The following NDUFAF7 variants were observed in gnomAD, a reference collection of about 807,000 sequenced individuals.
The protein encoded by NDUFAF7 is NADH:ubiquinone oxidoreductase complex assembly factor 7, also known as protein arginine methyltransferase NDUFAF7, mitochondrial.
A neutral mutation model predicts 47.2 loss-of-function variants in NDUFAF7; 48 were observed. The observed-to-expected ratio is 1.02, with a 90% CI of 0.81 to 1.29. The LOEUF is 1.29. Ranked by LOEUF, NDUFAF7 falls within the 50% of genes most tolerant of loss-of-function variation. The pLI, the probability that NDUFAF7 is intolerant of heterozygous loss-of-function variation, is 0.00. For synonymous variants in NDUFAF7, 217 were observed against 190.0 expected (o/e 1.14, Z -1.17); for missense variants, 635 against 537.6 (o/e 1.18, Z -1.79).
chr2:37,234,518 A>G (rs542997316), intron 2 of NDUFAF7, among the ~76,000 whole-genome samples: 26 of 152,330 alleles, frequency 1.7e-4, no homozygotes, highest in South Asian at 1.0e-3. Context: ...GAAGGGGTCT[A>G]TAGGCATCAC....
chr2:37,268,199 CTATT>C, the NDUFAF7 span: 1 of 407,814 alleles, frequency 2.5e-6, no homozygotes, highest in Non-Finnish European at 4.9e-6. Context: ...CTCTACATAG[CTATT>C]TATTTTAGAT....
At chr2:37,267,907 A>C in the NDUFAF7 span, 1 of 204,272 alleles carries the variant, frequency 4.9e-6, no homozygotes, top group African/African-American at 2.4e-5. Flanking sequence ...TCAATGAGTC[A>C]GCACAGAGTG....
At chr2:37,267,271 T>C in the NDUFAF7 span, among the ~76,000 whole-genome samples, 2 of 151,656 alleles carry the variant, frequency 1.3e-5, no homozygotes, top group East Asian at 3.9e-4. Flanking sequence ...AAATGTGTTC[T>C]AAAACTACTA....
intron 7 of NDUFAF7, among the ~76,000 whole-genome samples, chr2:37,244,473 TCA>T (rs753283482): frequency 4.6e-5 from 7 of 152,200 alleles, no homozygotes; most frequent in Non-Finnish European, 8.8e-5. Context: ...CACACAGATC[TCA>T]GTTTGATTCG....
At chr2:37,236,862 C>T (rs756953347) in intron 3 of NDUFAF7, among the ~76,000 whole-genome samples, 12 of 150,852 alleles carry the variant, frequency 8.0e-5, no homozygotes, top group Non-Finnish European at 1.3e-4. Context: ...GGAGAGTGCC[C>T]GGGAAGGAAG....
chr2:37,247,467 C>T lies in NDUFAF7; in HGVS notation c.948C>T (p.Asp316=), dbSNP rs1572571293. ...TCTTTATGTTCAAGGGGTTTTGCGA[C>T]CACAAGCTTCATGATGTCTTAATTG... is the stretch of plus-strand genomic sequence containing the variant. ...TKTDTFRGFC[D]HKLHDVLIAP... is the part of the protein sequence containing the mutation. Residue 316 remains aspartate, a synonymous_variant, in exon 9 of 10, where the codon GAC becomes GAT. Coordinates refer to ENST00000002125, the MANE Select transcript of NDUFAF7 (RefSeq NM_144736.5). The T allele has an allele frequency of 6.2e-7, 1 of 1,613,908 alleles. No homozygotes were observed.
intron 2 of NDUFAF7, among the ~76,000 whole-genome samples, chr2:37,233,415 G>C (rs934197696): frequency 6.6e-6 from 1 of 152,194 alleles, no homozygotes; most frequent in Non-Finnish European, 1.5e-5. Flanking sequence ...GGATCACGAG[G>C]TCAGGAGTTT....
the NDUFAF7 span, among the ~76,000 whole-genome samples, chr2:37,270,041 A>C: frequency 6.6e-6 from 1 of 152,132 alleles, no homozygotes; most frequent in Non-Finnish European, 1.5e-5. Context: ...CAGCCTGACC[A>C]ACAAGGAGAA....
downstream of NDUFAF7, among the ~76,000 whole-genome samples, chr2:37,253,955 C>T (rs1414549947): frequency 6.6e-6 from 1 of 152,114 alleles, no homozygotes; most frequent in Admixed American, 6.5e-5. Flanking sequence ...ACTAATCTTA[C>T]AAAAAGGTGA....
intron 2 of NDUFAF7, among the ~76,000 whole-genome samples, chr2:37,233,727 A>T (rs1665454866): frequency 6.6e-6 from 1 of 152,166 alleles, no homozygotes; most frequent in Admixed American, 6.5e-5. Context: ...AAGCCAAGGA[A>T]CCAGGGAGAA....
intron 2 of NDUFAF7, among the ~76,000 whole-genome samples, chr2:37,233,125 T>C (rs543084294): frequency 6.6e-6 from 1 of 152,086 alleles, no homozygotes; most frequent in Non-Finnish European, 1.5e-5. Context: ...TGCCGATGGA[T>C]TGAGTGATGG....
chr2:37,232,946 A>T (rs72875767), intron 2 of NDUFAF7, among the ~76,000 whole-genome samples: 7,155 of 152,210 alleles, frequency 0.047, 217 homozygotes, highest in African/African-American at 0.077. Flanking sequence ...CTGGGGTTAG[A>T]TTGGCCATTG....
At chr2:37,267,561 C>T in the NDUFAF7 span, 57 of 1,509,046 alleles carry the variant, frequency 3.8e-5, 1 homozygote, top group South Asian at 3.8e-4. Context: ...AGAAGAGGAA[C>T]GAATGAAGCA....
At chr2:37,262,737 A>G in the NDUFAF7 span, among the ~76,000 whole-genome samples, 1 of 152,180 alleles carries the variant, frequency 6.6e-6, no homozygotes, top group African/African-American at 2.4e-5. Context: ...GTATGCTGTA[A>G]CATTATTTTT....
intron 4 of NDUFAF7, 103 bp from the exon 5 acceptor site, chr2:37,241,475 A>C: frequency 1.0e-6 from 1 of 986,590 alleles, no homozygotes; most frequent in Non-Finnish European, 1.6e-6. Context: ...TCTCTCTGAA[A>C]TATTACCTCT....
At chr2:37,269,348 C>T in the NDUFAF7 span, 40,523 of 413,214 alleles carry the variant, frequency 0.098, 3,431 homozygotes, top group East Asian at 0.34. Context: ...CCCCTGCCTC[C>T]GACAAACATC....
chr2:37,260,208 A>C, the NDUFAF7 span: 1 of 1,569,598 alleles, frequency 6.4e-7, no homozygotes, highest in Non-Finnish European at 8.6e-7. Context: ...TAAAAAAAAA[A>C]AGGAGTTAAA....
At chr2:37,259,814 C>T in the NDUFAF7 span, 1 of 630,372 alleles carries the variant, frequency 1.6e-6, no homozygotes, top group Non-Finnish European at 2.8e-6. Context: ...TTATTCTGCT[C>T]CTTAAGGTTA....
the NDUFAF7 span, among the ~76,000 whole-genome samples, chr2:37,266,816 C>T: frequency 6.6e-6 from 1 of 152,080 alleles, no homozygotes; most frequent in East Asian, 1.9e-4. Context: ...ACCATGATTT[C>T]TTTAATAATA....
Sources: allele counts gnomAD v4.1 joint callset (sites outside exome capture counted in the v4.1 genomes callset), GRCh38; gene constraint gnomAD v4.1.1; transcripts MANE v1.5; gene names NCBI Gene and HGNC (gene_info 2026-07-23, HGNC 2026-07-21).